GRIP1: variants seen among roughly 807,000 people sequenced by gnomAD.
GRIP1 encodes glutamate receptor interacting protein 1.
A neutral mutation model predicts 129.9 loss-of-function variants in GRIP1; 45 were observed. That is an observed-to-expected ratio of 0.35 (90% CI 0.27 to 0.44). The LOEUF (loss-of-function observed/expected upper bound fraction) is 0.44, where lower values mean the gene tolerates loss of function less well. GRIP1 is among the 20% of genes least tolerant of loss of function. The pLI is 1.00. For synonymous variants in GRIP1, 530 were observed against 520.8 expected (o/e 1.02, Z -0.24); for missense variants, 1,196 against 1,396.8 (o/e 0.86, Z 2.29).
At chr12:66,693,837 A>C (rs575620040) in intron 1 of GRIP1, among the ~76,000 whole-genome samples, 15 of 152,172 alleles carry the variant, frequency 9.9e-5, no homozygotes, top group Non-Finnish European at 1.9e-4. Flanking sequence ...AGATACATAA[A>C]ATGAAGGACT....
At chr12:67,027,533 T>C (rs1230837663) in intron 1 of GRIP1, among the ~76,000 whole-genome samples, 3 of 152,218 alleles carry the variant, frequency 2.0e-5, no homozygotes, top group Non-Finnish European at 4.4e-5. Context: ...ATCCTGTCCC[T>C]GTAGAGTTCA....
intron 1 of GRIP1, among the ~76,000 whole-genome samples, chr12:66,792,631 T>C (rs2038577700): frequency 6.6e-6 from 1 of 152,184 alleles, no homozygotes; most frequent in Non-Finnish European, 1.5e-5. Flanking sequence ...TGAGGTTTGC[T>C]ATTACAACTC....
chr12:66,521,620 G>C (rs2061006403), intron 5 of GRIP1, among the ~76,000 whole-genome samples: 1 of 152,184 alleles, frequency 6.6e-6, no homozygotes, highest in South Asian at 2.1e-4. Flanking sequence ...TGAGGTACCA[G>C]GTTCATCTCA....
At chr12:66,682,371 A>G (rs2034619708), upstream of GRIP1, among the ~76,000 whole-genome samples, 1 of 152,140 alleles carries the variant, frequency 6.6e-6, no homozygotes, top group Admixed American at 6.5e-5. Flanking sequence ...TTCTCACTGC[A>G]TGGTTAGCCC....
At chr12:66,638,297 T>C (rs2031598093) in intron 1 of GRIP1, among the ~76,000 whole-genome samples, 1 of 152,178 alleles carries the variant, frequency 6.6e-6, no homozygotes. Context: ...CATATAACTG[T>C]TTTAGGTGTA....
intron 1 of GRIP1, among the ~76,000 whole-genome samples, chr12:66,726,538 G>A (rs1009557920): frequency 2.6e-5 from 4 of 151,924 alleles, no homozygotes; most frequent in African/African-American, 7.3e-5. Flanking sequence ...TTCTTGTTTC[G>A]CCCATTCCAG....
At chr12:66,888,009 A>G (rs2040593828) in intron 1 of GRIP1, among the ~76,000 whole-genome samples, 1 of 152,192 alleles carries the variant, frequency 6.6e-6, no homozygotes, top group African/African-American at 2.4e-5. Context: ...TTCTGATTCA[A>G]CTGGTCAGGG....
chr12:66,900,878 GGCAACTA>G (rs2040833685), intron 1 of GRIP1, among the ~76,000 whole-genome samples: 1 of 152,214 alleles, frequency 6.6e-6, no homozygotes, highest in African/African-American at 2.4e-5. Context: ...ATATTGGGTA[GGCAACTA>G]GCAGTTTCTA....
chr12:66,374,712 T>C (rs1013442290), intron 22 of GRIP1, among the ~76,000 whole-genome samples: 8 of 152,186 alleles, frequency 5.3e-5, no homozygotes, highest in Non-Finnish European at 8.8e-5. Flanking sequence ...TTAGCTGCCA[T>C]AGAAGAAATT....
At chr12:66,447,298 G>A (rs995383226) in intron 11 of GRIP1, among the ~76,000 whole-genome samples, 4 of 152,132 alleles carry the variant, frequency 2.6e-5, no homozygotes, top group Non-Finnish European at 5.9e-5. Context: ...ATCCTCTATG[G>A]TAATGCCCGG....
At chr12:67,008,127 AATACC>A (rs2042654456) in intron 1 of GRIP1, among the ~76,000 whole-genome samples, 1 of 152,230 alleles carries the variant, frequency 6.6e-6, no homozygotes, top group African/African-American at 2.4e-5. Context: ...CAAATGACAG[AATACC>A]ATCAAATCCC....
intron 1 of GRIP1, among the ~76,000 whole-genome samples, chr12:67,023,756 T>C (rs1162213465): frequency 6.6e-6 from 1 of 152,100 alleles, no homozygotes; most frequent in Non-Finnish European, 1.5e-5. Flanking sequence ...ACCCTCACAC[T>C]AATAGTGGCA....
intron 7 of GRIP1, among the ~76,000 whole-genome samples, chr12:66,504,922 T>C (rs901147114): frequency 6.6e-6 from 1 of 152,140 alleles, no homozygotes; most frequent in Non-Finnish European, 1.5e-5. Context: ...CTCTAAACAA[T>C]TGGTTAGACT....
At chr12:66,949,464 G>C (rs2041720860) in intron 1 of GRIP1, among the ~76,000 whole-genome samples, 1 of 152,166 alleles carries the variant, frequency 6.6e-6, no homozygotes, top group African/African-American at 2.4e-5. Flanking sequence ...CTGTGGCTAA[G>C]ATGAGACTTG....
rs71450863 is a variant in GRIP1, at chr12:66,475,850, A to G, written c.725-10428T>C. On this transcript the variant is annotated intron_variant, in intron 7 of 24. Coordinates refer to ENST00000359742, the MANE Select transcript of GRIP1 (RefSeq NM_001366722.1). ...AGCAGTGTGTAGAGGGAAATTTATAACACTAAATGCCCACAAGAGAAAGCA... is the reference window on the plus strand; with the variant it reads ...AGCAGTGTGTAGAGGGAAATTTATAGCACTAAATGCCCACAAGAGAAAGCA... Among the ~76,000 whole-genome samples, 5 of 152,280 alleles carry G rather than the reference A, an allele frequency of 3.3e-5. No individual in the cohort carries two copies. In the South Asian group the frequency reaches 1.0e-3, roughly 32 times the overall value.
chr12:66,615,106 G>A (rs769811157), intron 1 of GRIP1, among the ~76,000 whole-genome samples: 21 of 152,206 alleles, frequency 1.4e-4, no homozygotes, highest in Admixed American at 1.4e-3. Flanking sequence ...CATAAGAGCA[G>A]GAGTCTTGTA....
intron 1 of GRIP1, among the ~76,000 whole-genome samples, chr12:66,951,175 T>C (rs909682436): frequency 3.3e-5 from 5 of 152,234 alleles, no homozygotes; most frequent in Non-Finnish European, 5.9e-5. Context: ...TGAAGTCTGA[T>C]AAAAACATAA....
At position 66,425,385 on chromosome 12, in the gene GRIP1, G is replaced by C. The variant is rs546214749; in HGVS notation, c.1769-4596C>G. 7.9e-5 allele frequency among the ~76,000 whole-genome samples: 12 copies of C among 152,282 alleles called. No homozygotes were observed. The East Asian group carries it at 9.7e-4, about 12-fold the overall frequency. On this transcript the variant is annotated intron_variant, in intron 14 of 24. Coordinates refer to ENST00000359742, the MANE Select transcript of GRIP1 (RefSeq NM_001366722.1). ...TTTACACTGTTGGTGGGACTGTAAAGTAGTTCAACCATTGTAGAAGATAGT... is the reference window on the plus strand; with the variant it reads ...TTTACACTGTTGGTGGGACTGTAAACTAGTTCAACCATTGTAGAAGATAGT...
intron 1 of GRIP1, among the ~76,000 whole-genome samples, chr12:66,622,508 C>T (rs1193063995): frequency 6.6e-6 from 1 of 152,002 alleles, no homozygotes; most frequent in Non-Finnish European, 1.5e-5. Flanking sequence ...ACATGATATA[C>T]CTGTATTAAA....
Sources: gnomAD v4.1 joint callset for allele counts (sites outside exome capture counted in the v4.1 genomes callset) on GRCh38, gnomAD v4.1.1 for gene constraint, MANE v1.5 for transcripts, NCBI Gene and HGNC (gene_info 2026-07-23, HGNC 2026-07-21) for gene names.